GALNTL6: variants seen among roughly 807,000 people sequenced by gnomAD.
The protein encoded by GALNTL6 is polypeptide N-acetylgalactosaminyltransferase-like 6.
In GALNTL6, 46 loss-of-function variants were observed where a neutral mutation model predicts 73.7. The observed-to-expected ratio is 0.62, with a 90% CI of 0.49 to 0.80. The LOEUF is 0.80. Ranked by LOEUF, GALNTL6 falls within the 30% of genes least tolerant of loss-of-function variation. The probability of loss-of-function intolerance (pLI) is 0.00; values close to 1 mark genes in which losing one functional copy is unlikely to be tolerated. For missense variants in GALNTL6, 604 were observed against 755.0 expected, an observed-to-expected ratio of 0.80 and a Z score of 2.34; for synonymous variants, 259 against 263.7, an observed-to-expected ratio of 0.98 and a Z score of 0.17.
chr4:172,811,752 G>A (rs533363435), intron 6 of GALNTL6, among the ~76,000 whole-genome samples: 1 of 152,088 alleles, frequency 6.6e-6, no homozygotes, highest in Admixed American at 6.6e-5. Flanking sequence ...CTCTAAAATC[G>A]CAACCCTTTC....
chr4:172,451,331 C>T (rs531095153), intron 5 of GALNTL6, among the ~76,000 whole-genome samples: 26 of 152,290 alleles, frequency 1.7e-4, no homozygotes, highest in Non-Finnish European at 2.6e-4. Flanking sequence ...AATTTGACTA[C>T]GGGTTTCCCA....
At chr4:172,823,711 C>A (rs1398467998) in intron 7 of GALNTL6, among the ~76,000 whole-genome samples, 1 of 151,988 alleles carries the variant, frequency 6.6e-6, no homozygotes, top group African/African-American at 2.4e-5. Flanking sequence ...AAGAAGACAG[C>A]AGAAGGCATT....
At chr4:172,375,030 G>A (rs977614813) in intron 5 of GALNTL6, among the ~76,000 whole-genome samples, 4 of 152,162 alleles carry the variant, frequency 2.6e-5, no homozygotes, top group African/African-American at 4.8e-5. Flanking sequence ...TAGCCTGGGG[G>A]GTTAGTGGTC....
At chr4:172,925,835 A>G (rs1439182597) in intron 8 of GALNTL6, among the ~76,000 whole-genome samples, 1 of 152,210 alleles carries the variant, frequency 6.6e-6, no homozygotes, top group African/African-American at 2.4e-5. Flanking sequence ...GAACTGTGAT[A>G]CAGTAAATGT....
intron 7 of GALNTL6, among the ~76,000 whole-genome samples, chr4:172,839,577 C>T (rs1349045103): frequency 2.0e-5 from 3 of 152,116 alleles, no homozygotes; most frequent in Non-Finnish European, 4.4e-5. Context: ...TGAAAATCTG[C>T]TTGAGTCCAG....
chr4:172,276,707 A>C (rs895256724), intron 3 of GALNTL6, among the ~76,000 whole-genome samples: 1 of 152,066 alleles, frequency 6.6e-6, no homozygotes, highest in Non-Finnish European at 1.5e-5. Context: ...CCTGTGTTAC[A>C]CTATATGCTG....
At chr4:171,989,507 A>G (rs558028185) in intron 2 of GALNTL6, among the ~76,000 whole-genome samples, 49 of 151,030 alleles carry the variant, frequency 3.2e-4, no homozygotes, top group African/African-American at 8.7e-4. Context: ...AACTCCTGGG[A>G]GAGGAGGTTC....
intron 5 of GALNTL6, among the ~76,000 whole-genome samples, chr4:172,796,461 TATC>T (rs1439620301): frequency 6.6e-6 from 1 of 152,200 alleles, no homozygotes; most frequent in Non-Finnish European, 1.5e-5. Flanking sequence ...TGTCTGACAA[TATC>T]ATAAGCACTC....
In GALNTL6 at chr4:173,009,235, G is replaced by C. The variant is rs764576238; in HGVS notation, c.1429G>C (p.Glu477Gln). 4 of 1,614,166 alleles carry C rather than the reference G, an allele frequency of 2.5e-6. No homozygotes were observed. The highest frequency in any genetic ancestry group is 3.4e-6 in the Non-Finnish European group (4 of 1,179,972). Residue 477 changes from glutamate (E) to glutamine (Q), a missense_variant, in exon 11 of 13, where the codon GAG (glutamate) becomes CAG (glutamine). Transcript: ENST00000506823. ...VDSKHGATGTELRLDICVKDG... is the reference protein window; with the variant it reads ...VDSKHGATGTQLRLDICVKDG... ...CAGCAAGCATGGAGCCACCGGAACA[G>C]AGCTGAGGCTGGACATCTGTGTCAA...
intron 2 of GALNTL6, among the ~76,000 whole-genome samples, chr4:172,029,249 A>T (rs72698943): frequency 0.026 from 4,007 of 152,176 alleles, 80 homozygotes; most frequent in East Asian, 0.081. Context: ...AACTAAGTGT[A>T]AAATACCTAC....
At chr4:172,877,393 G>GT in intron 7 of GALNTL6, among the ~76,000 whole-genome samples, 1 of 151,946 alleles carries the variant, frequency 6.6e-6, no homozygotes, top group Non-Finnish European at 1.5e-5. Context: ...TTAGAATACT[G>GT]TAAGAGTCAC....
intron 7 of GALNTL6, among the ~76,000 whole-genome samples, chr4:172,870,728 G>A (rs1553997602): frequency 6.6e-6 from 1 of 152,220 alleles, no homozygotes; most frequent in Non-Finnish European, 1.5e-5. Flanking sequence ...CTAGGACAGA[G>A]ACACCTGGTT....
chr4:172,299,264 C>G (rs1333368847), intron 3 of GALNTL6, among the ~76,000 whole-genome samples: 1 of 152,166 alleles, frequency 6.6e-6, no homozygotes, highest in East Asian at 1.9e-4. Flanking sequence ...CTCTTTTCTT[C>G]TTTATTAGTC....
chr4:172,077,033 C>T (rs1289017592), intron 2 of GALNTL6, among the ~76,000 whole-genome samples: 1 of 152,196 alleles, frequency 6.6e-6, no homozygotes, highest in Non-Finnish European at 1.5e-5. Flanking sequence ...TTCCCCTTTG[C>T]CTTCTGCCAT....
intron 5 of GALNTL6, among the ~76,000 whole-genome samples, chr4:172,594,113 G>A (rs572535345): frequency 1.3e-5 from 2 of 152,200 alleles, no homozygotes; most frequent in South Asian, 2.1e-4. Context: ...TTGGGAGGCC[G>A]AGGCGGGTGG....
rs199566465 is a variant in GALNTL6 at position 172,295,721 on chromosome 4, C to G, written c.248-15893C>G. 4.6e-5 allele frequency among the ~76,000 whole-genome samples: 7 copies of G among 151,544 alleles called. No homozygotes were observed. In the East Asian group the frequency reaches 1.4e-3, roughly 30 times the overall value. ...CAATCTCACTATATACAACACTCCC[C>G]CTCTACCCCTCCCACACACACACAG... is the stretch of plus-strand genomic sequence containing the variant. On this transcript the variant is annotated intron_variant, in intron 3 of 12. Transcript: ENST00000506823.
intron 5 of GALNTL6, among the ~76,000 whole-genome samples, chr4:172,427,467 C>G (rs1047685878): frequency 1.3e-5 from 2 of 151,978 alleles, no homozygotes; most frequent in African/African-American, 4.8e-5. Context: ...ATGGGAGCTA[C>G]AGTATCAAGA....
chr4:172,655,706 T>G (rs1730961939), intron 5 of GALNTL6, among the ~76,000 whole-genome samples: 1 of 152,208 alleles, frequency 6.6e-6, no homozygotes, highest in Non-Finnish European at 1.5e-5. Flanking sequence ...GAGTTATATT[T>G]CCTTGGAAAC....
At chr4:171,843,223 A>G (rs1334505125) in intron 2 of GALNTL6, among the ~76,000 whole-genome samples, 4 of 152,160 alleles carry the variant, frequency 2.6e-5, no homozygotes, top group South Asian at 2.1e-4. Flanking sequence ...TGATACTACA[A>G]TGAATATTCT....
Sources: gnomAD v4.1 joint callset for allele counts (sites outside exome capture counted in the v4.1 genomes callset) on GRCh38, gnomAD v4.1.1 for gene constraint, MANE v1.5 for transcripts, NCBI Gene and HGNC (gene_info 2026-07-23, HGNC 2026-07-21) for gene names.